The following SAMD4A variants were observed in gnomAD, a reference collection of about 807,000 sequenced individuals.
SAMD4A encodes the protein sterile alpha motif domain containing 4A.
A neutral mutation model predicts 81.3 loss-of-function variants in SAMD4A; 33 were observed. The ratio of observed to expected loss-of-function variants is 0.41; its 90% confidence interval spans 0.31 to 0.54. The LOEUF is 0.54. SAMD4A is among the 20% of genes least tolerant of loss of function. The pLI is 0.37. For synonymous variants in SAMD4A, 389 were observed against 382.1 expected (o/e 1.02, Z -0.21); for missense variants, 854 against 951.1 (o/e 0.90, Z 1.34).
chr14:54,742,829 T>A (rs2037877877), intron 4 of SAMD4A, among the ~76,000 whole-genome samples: 1 of 152,200 alleles, frequency 6.6e-6, no homozygotes, highest in African/African-American at 2.4e-5. Flanking sequence ...GGAACCTTGA[T>A]GGAAATATAG....
At chr14:54,730,674 A>G (rs1198632426) in intron 3 of SAMD4A, among the ~76,000 whole-genome samples, 1 of 152,190 alleles carries the variant, frequency 6.6e-6, no homozygotes, top group Non-Finnish European at 1.5e-5. Flanking sequence ...ATGACAGAGC[A>G]TGTTATTTTT....
chr14:54,723,268 G>A (rs1420409890), intron 3 of SAMD4A, among the ~76,000 whole-genome samples: 1 of 152,058 alleles, frequency 6.6e-6, no homozygotes, highest in African/African-American at 2.4e-5. Context: ...CACCATTTGG[G>A]GAAAGCCCAA....
At chr14:54,585,632 A>T (rs541840557) in intron 2 of SAMD4A, among the ~76,000 whole-genome samples, 1 of 152,144 alleles carries the variant, frequency 6.6e-6, no homozygotes, top group Non-Finnish European at 1.5e-5. Flanking sequence ...CCATTATATC[A>T]TTCTTATGTC....
intron 3 of SAMD4A, among the ~76,000 whole-genome samples, chr14:54,724,039 A>AGGAAGGAAGGAG (rs773915179): frequency 6.6e-6 from 1 of 150,984 alleles, no homozygotes; most frequent in Non-Finnish European, 1.5e-5. Context: ...GAAGGAAGGA[A>AGGAAGGAAGGAG]GGAAGGAAGG....
intron 6 of SAMD4A, among the ~76,000 whole-genome samples, chr14:54,758,262 G>A (rs1451839712): frequency 9.9e-5 from 15 of 151,924 alleles, no homozygotes; most frequent in African/African-American, 2.7e-4. Flanking sequence ...ACCCCTCCCC[G>A]CCAAAAAAAA....
rs545054426 is a variant in SAMD4A, at chr14:54,749,916, G to A, written c.1089+992G>A. Reference sequence around the variant, plus strand: ...ATCACCAGTTCCCCAGTACTTATTCGGTACCCTCATTTAACCCTGCAGGCC... The same window carrying A: ...ATCACCAGTTCCCCAGTACTTATTCAGTACCCTCATTTAACCCTGCAGGCC... On this transcript the variant is annotated intron_variant, in intron 5 of 12. Transcript: ENST00000554335. 2.6e-5 allele frequency among the ~76,000 whole-genome samples: 4 copies of A among 152,268 alleles called. No individual in the cohort carries two copies. In the South Asian group the frequency reaches 8.3e-4, roughly 32 times the overall value.
intron 4 of SAMD4A, among the ~76,000 whole-genome samples, chr14:54,747,743 G>A (rs2038002702): frequency 6.6e-6 from 1 of 152,184 alleles, no homozygotes; most frequent in Non-Finnish European, 1.5e-5. Context: ...TAGGAATCAG[G>A]AGATCTGGGT....
chr14:54,747,352 A>T (rs1319614276), intron 4 of SAMD4A, among the ~76,000 whole-genome samples: 1 of 152,206 alleles, frequency 6.6e-6, no homozygotes, highest in African/African-American at 2.4e-5. Context: ...ATCCCCACCT[A>T]AGTCTTTTGA....
chr14:54,786,189 G>T (rs146591022), intron 12 of SAMD4A, among the ~76,000 whole-genome samples: 5 of 152,318 alleles, frequency 3.3e-5, no homozygotes, highest in Admixed American at 1.3e-4. Flanking sequence ...CAACCTATGC[G>T]ATGCAGTGGA....
intron 2 of SAMD4A, among the ~76,000 whole-genome samples, chr14:54,593,658 C>T (rs192518371): frequency 1.9e-4 from 29 of 152,200 alleles, no homozygotes; most frequent in Admixed American, 2.6e-4. Context: ...AAATGGCCCC[C>T]CTCTAAAGGC....
intron 2 of SAMD4A, among the ~76,000 whole-genome samples, chr14:54,625,238 A>C (rs916973105): frequency 9.2e-5 from 14 of 152,204 alleles, no homozygotes; most frequent in African/African-American, 3.1e-4. Flanking sequence ...ACTTCACTCC[A>C]GTGAGACATA....
At chr14:54,726,445 T>G (rs768359447) in intron 3 of SAMD4A, among the ~76,000 whole-genome samples, 21 of 152,048 alleles carry the variant, frequency 1.4e-4, no homozygotes, top group Non-Finnish European at 5.9e-5. Context: ...CCAAAGCAAA[T>G]AAGATAATCA....
Position 54,708,256 on chromosome 14 carries a change from A to G in SAMD4A, c.715+5676A>G, listed in dbSNP as rs553738206. On this transcript the variant is annotated intron_variant, in intron 3 of 12. Transcript: ENST00000554335. Reference sequence around the variant, plus strand: ...TGAAGGGTTTGAAGGAGAGGATTGAAGGAGGACTCCAGTGCTTTTTGCCTA... The same window carrying G: ...TGAAGGGTTTGAAGGAGAGGATTGAGGGAGGACTCCAGTGCTTTTTGCCTA... Among the ~76,000 whole-genome samples the G allele has an allele frequency of 1.4e-4, 21 of 152,358 alleles. No homozygotes were observed. The South Asian group carries it at 4.1e-3, about 30-fold the overall frequency.
intron 2 of SAMD4A, chr14:54,690,042 A>G (rs527351929): frequency 6.6e-6 from 1 of 152,310 alleles, no homozygotes; most frequent in South Asian, 2.1e-4. Flanking sequence ...AAGTGCATGA[A>G]TCTTTTTTGG....
intron 3 of SAMD4A, among the ~76,000 whole-genome samples, chr14:54,715,605 A>G (rs1171304593): frequency 6.6e-6 from 1 of 152,178 alleles, no homozygotes; most frequent in Non-Finnish European, 1.5e-5. Flanking sequence ...TGGGGGAATT[A>G]TTTATCATCC....
At chr14:54,681,036 C>T (rs944927621) in intron 2 of SAMD4A, among the ~76,000 whole-genome samples, 1 of 152,176 alleles carries the variant, frequency 6.6e-6, no homozygotes, top group Admixed American at 6.5e-5. Flanking sequence ...GTAAGAGAAC[C>T]AAGAACGTAA....
intron 2 of SAMD4A, among the ~76,000 whole-genome samples, chr14:54,698,427 C>A (rs953135811): frequency 1.3e-5 from 2 of 152,206 alleles, no homozygotes; most frequent in Non-Finnish European, 2.9e-5. Context: ...TACCTCCATT[C>A]TGCCACTTCA....
At chr14:54,642,161 C>T (rs1178174111) in intron 2 of SAMD4A, among the ~76,000 whole-genome samples, 5 of 152,168 alleles carry the variant, frequency 3.3e-5, no homozygotes, top group Non-Finnish European at 7.4e-5. Context: ...CACTAAGATG[C>T]TTATGTCTAG....
At chr14:54,597,257 T>G (rs1425606473) in intron 2 of SAMD4A, among the ~76,000 whole-genome samples, 2 of 151,820 alleles carry the variant, frequency 1.3e-5, no homozygotes, top group Non-Finnish European at 2.9e-5. Flanking sequence ...TCTGTTGTGG[T>G]CTTTTTCTTT....
Sources: gnomAD v4.1 joint callset for allele counts (sites outside exome capture counted in the v4.1 genomes callset) on GRCh38, gnomAD v4.1.1 for gene constraint, MANE v1.5 for transcripts, NCBI Gene and HGNC (gene_info 2026-07-23, HGNC 2026-07-21) for gene names.